PHLDB1: variants seen among roughly 807,000 people sequenced by gnomAD.
PHLDB1 encodes pleckstrin homology-like domain family B member 1.
A neutral mutation model predicts 139.3 loss-of-function variants in PHLDB1; 65 were observed. The observed-to-expected ratio is 0.47, with a 90% confidence interval of 0.38 to 0.57. The LOEUF (loss-of-function observed/expected upper bound fraction) is 0.57, where lower values mean the gene tolerates loss of function less well. Ranked by LOEUF, PHLDB1 falls within the 20% of genes least tolerant of loss-of-function variation. The pLI is 0.00. For missense variants in PHLDB1, 1,624 were observed against 1,839.7 expected, an observed-to-expected ratio of 0.88 and a Z score of 2.14; for synonymous variants, 679 against 734.5, an observed-to-expected ratio of 0.92 and a Z score of 1.22.
At chr11:118,653,333 T>G in intron 20 of PHLDB1, 1 of 152,124 alleles carries the variant, frequency 6.6e-6, no homozygotes, top group East Asian at 1.9e-4. Context: ...CCTCATTGCA[T>G]GGAGTCCAGA....
At chr11:118,631,834 A>G (rs1349344385) in intron 7 of PHLDB1, 79 bp from the exon 8 acceptor site, 1 of 1,474,776 alleles carries the variant, frequency 6.8e-7, no homozygotes, top group Non-Finnish European at 9.1e-7. Flanking sequence ...AAGTGCCTGG[A>G]GGAACAGGTG....
intron 5 of PHLDB1, 80 bp from the exon 6 acceptor site, chr11:118,627,225 C>A: frequency 7.2e-7 from 1 of 1,398,094 alleles, no homozygotes; most frequent in Non-Finnish European, 1.0e-6. Flanking sequence ...CCTCACTGTG[C>A]TAGGAGGAGG....
At chr11:118,641,687 C>G in intron 12 of PHLDB1, 1 of 1,289,428 alleles carries the variant, frequency 7.8e-7, no homozygotes, top group Non-Finnish European at 1.0e-6. Flanking sequence ...CCAGGCCTTT[C>G]TCCCTGGGCC....
intron 10 of PHLDB1, 93 bp from the exon 11 acceptor site, chr11:118,638,798 G>T: frequency 2.2e-6 from 2 of 906,984 alleles, no homozygotes; most frequent in Non-Finnish European, 3.3e-6. Context: ...CTTCACCTGA[G>T]CCTTGAGTGT....
chr11:118,634,882 C>T (rs1945367198), intron 9 of PHLDB1: 2 of 406,742 alleles, frequency 4.9e-6, no homozygotes, highest in Non-Finnish European at 9.9e-6. Flanking sequence ...TTCTGTTTCT[C>T]CCCTGTGCCC....
chr11:118,643,995 C>T, intron 14 of PHLDB1, 55 bp downstream of exon 14: 1 of 1,598,524 alleles, frequency 6.3e-7, no homozygotes, highest in Non-Finnish European at 8.5e-7. Context: ...GACTTCCACC[C>T]TGGGGAGAGG....
chr11:118,650,829 A>C lies in PHLDB1; in HGVS notation c.3874+282A>C. On this transcript the variant is annotated intron_variant, in intron 20 of 22. Coordinates refer to ENST00000600882, the MANE Select transcript of PHLDB1 (RefSeq NM_001144758.3). The surrounding 1 kb of genome is among the most constrained non-coding windows in gnomAD (Gnocchi z 4.7). ...TGAGTAAGATGGCCACAGCGCTCTCATGGAGCTTATAATCAGGGAAGCAGA... is the reference window on the plus strand; with the variant it reads ...TGAGTAAGATGGCCACAGCGCTCTCCTGGAGCTTATAATCAGGGAAGCAGA... 2 of 464,506 alleles carry C rather than the reference A, an allele frequency of 4.3e-6. No homozygotes were observed. The highest frequency in any genetic ancestry group is 4.0e-5 in the East Asian group (1 of 24,698). The allele number at this position is 464,506 out of a possible 1,614,324, so 28.8% of individuals were successfully genotyped here.
chr11:118,639,166 A>C lies in PHLDB1; in HGVS notation c.2651A>C (p.Lys884Thr). Residue 884 changes from lysine (K) to threonine (T), a missense_variant, in exon 12 of 23, where the codon AAG becomes ACG. Coordinates refer to ENST00000600882, the MANE Select transcript of PHLDB1 (RefSeq NM_001144758.3). ...TCTGCCATTCTGGGCTCGCAGGAGA[A>C]GGAGAAGCTGACTGTGCTGGAAAGG... ...NASLQLLQKEKEKLTVLERRY... is the reference protein window; with the variant it reads ...NASLQLLQKETEKLTVLERRY... 3 of 1,614,028 alleles carry C rather than the reference A, an allele frequency of 1.9e-6. No individual in the cohort carries two copies. Among genetic ancestry groups the C allele is most frequent in the South Asian group, 1.1e-5 (1 of 91,070 alleles).
intron 10 of PHLDB1, among the ~76,000 whole-genome samples, chr11:118,638,472 T>C (rs1742226560): frequency 6.6e-6 from 1 of 152,008 alleles, no homozygotes; most frequent in Admixed American, 6.6e-5. Flanking sequence ...TTTGTGACAG[T>C]GTGGAGTGGA....
At chr11:118,614,476 T>G in intron 2 of PHLDB1, 83 bp from the exon 3 acceptor site, 1 of 1,501,266 alleles carries the variant, frequency 6.7e-7, no homozygotes, top group Non-Finnish European at 9.2e-7. Context: ...GGGCGAGGGC[T>G]GGAGAGAGTG....
chr11:118,635,120 G>T, intron 9 of PHLDB1: 1 of 567,736 alleles, frequency 1.8e-6, no homozygotes, highest in Admixed American at 2.7e-5. Context: ...GGAGAGCGGT[G>T]GGACGGGACC....
chr11:118,647,398 C>T (rs1947686027), intron 17 of PHLDB1: 1 of 152,430 alleles, frequency 6.6e-6, no homozygotes, highest in African/African-American at 2.4e-5. Context: ...CTTCATTTCA[C>T]AGATGAGGCA....
Position 118,631,422 on chromosome 11 carries a change from C to T in PHLDB1, c.2043C>T (p.Arg681=), listed in dbSNP as rs782704410. 4.9e-5 allele frequency: 72 copies of T among 1,458,222 alleles called. No individual in the cohort carries two copies. The highest frequency in any genetic ancestry group is 6.4e-5 in the Non-Finnish European group (71 of 1,104,312). The allele number at this position is 1,458,222 out of a possible 1,614,324, so 90.3% of individuals were successfully genotyped here. ...AACGCCTATGGGAGAGTATGGAGCG[C>T]TCAGATGAGGAAAATCTCAAGGAGG... is the stretch of plus-strand genomic sequence containing the variant. ...ATQRLWESME[R]SDEENLKEEC... The change falls in exon 7 of 23, where the codon CGC becomes CGT. Residue 681 remains arginine (R), a synonymous_variant. Coordinates refer to ENST00000600882, the MANE Select transcript of PHLDB1 (RefSeq NM_001144758.3).
chr11:118,623,889 TGTGTG>T lies in PHLDB1; in HGVS notation c.356-1044_356-1040del, dbSNP rs1943316076. Among the ~76,000 whole-genome samples, 8 of 150,418 alleles carry T rather than the reference TGTGTG, an allele frequency of 5.3e-5. 1 individual carries two copies. The South Asian group carries it at 1.7e-3, about 32-fold the overall frequency. ...CTCTGAACATTTGTGTGTGTGTGTG[TGTGTG>T]TGTGTGTGTGTGTGTGTGTGTGTGA... is the stretch of plus-strand genomic sequence containing the variant. On this transcript the variant is annotated intron_variant, in intron 4 of 22. Transcript: ENST00000600882.
intron 10 of PHLDB1, chr11:118,637,046 C>G (rs1409874402): frequency 6.6e-6 from 1 of 152,294 alleles, no homozygotes; most frequent in Non-Finnish European, 1.5e-5. Context: ...TCTGTCTGCC[C>G]TGGTGCCCTG....
At position 118,632,068 on chromosome 11, in the gene PHLDB1, C is replaced by T; in HGVS notation, c.2241+15C>T. ...CAGCCCGAGAGGTGAGCCGTGAAGT[C>T]CCTAGCTGGACTCTTCCCTAGGCCA... On this transcript the variant is annotated intron_variant, in intron 8 of 22. Transcript: ENST00000600882. The surrounding 1 kb of genome is among the most constrained non-coding windows in gnomAD (Gnocchi z 5.9). The T allele has an allele frequency of 6.2e-7, 1 of 1,613,748 alleles. No individual in the cohort carries two copies. The highest frequency in any genetic ancestry group is 8.5e-7 in the Non-Finnish European group (1 of 1,179,784).
intron 1 of PHLDB1, chr11:118,613,519 T>C: frequency 1.1e-6 from 1 of 942,306 alleles, no homozygotes; most frequent in Non-Finnish European, 1.3e-6. Context: ...ACCCGGGTTC[T>C]GAGTAGCATA....
chr11:118,649,989 TG>T (rs781827168), intron 18 of PHLDB1, 87 bp from the exon 19 acceptor site: 28 of 932,862 alleles, frequency 3.0e-5, no homozygotes, highest in Non-Finnish European at 4.8e-5. Flanking sequence ...GTCAGGCTGT[TG>T]GGGTTTAGAA....
At chr11:118,634,704 T>A (rs1945326842) in intron 9 of PHLDB1, 1 of 236,582 alleles carries the variant, frequency 4.2e-6, no homozygotes, top group Non-Finnish European at 8.8e-6. Context: ...CCCTCCTCAC[T>A]TTCCCTTTCT....
Sources: allele counts gnomAD v4.1 joint callset (sites outside exome capture counted in the v4.1 genomes callset), GRCh38; gene constraint gnomAD v4.1.1; non-coding constraint Gnocchi (gnomAD v3.1); transcripts MANE v1.5; gene names NCBI Gene and HGNC (gene_info 2026-07-23, HGNC 2026-07-21).